Variants in ANKS1B observed in about 807,000 individuals in gnomAD.
The protein encoded by ANKS1B is ankyrin repeat and sterile alpha motif domain-containing protein 1B.
In ANKS1B, 36 loss-of-function variants were observed where a neutral mutation model predicts 148.3. That is an observed-to-expected ratio of 0.24 (90% CI 0.19 to 0.32). The LOEUF (loss-of-function observed/expected upper bound fraction) is 0.32. Ranked by LOEUF, ANKS1B falls within the 10% of genes least tolerant of loss-of-function variation. The pLI is 1.00. For missense variants in ANKS1B, 1,157 were observed against 1,542.6 expected, an observed-to-expected ratio of 0.75 and a Z score of 4.19; for synonymous variants, 542 against 560.8, an observed-to-expected ratio of 0.97 and a Z score of 0.47.
intron 15 of ANKS1B, among the ~76,000 whole-genome samples, chr12:99,149,913 T>A (rs1278857656): frequency 1.3e-5 from 2 of 152,166 alleles, no homozygotes; most frequent in Non-Finnish European, 2.9e-5. Context: ...TGTGGTGTAG[T>A]GTGTGTGCAC....
intron 17 of ANKS1B, among the ~76,000 whole-genome samples, chr12:99,020,216 A>G (rs2099944956): frequency 6.6e-6 from 1 of 152,062 alleles, no homozygotes; most frequent in South Asian, 2.1e-4. Context: ...CACTATTCCC[A>G]GTTGAAACTG....
intron 17 of ANKS1B, among the ~76,000 whole-genome samples, chr12:98,843,516 T>C (rs572850271): frequency 1.3e-5 from 2 of 152,342 alleles, no homozygotes; most frequent in Admixed American, 6.5e-5. Context: ...AAATAAACCT[T>C]TTCTTCTTTA....
At chr12:99,041,778 A>T (rs2099959165) in intron 17 of ANKS1B, among the ~76,000 whole-genome samples, 1 of 152,150 alleles carries the variant, frequency 6.6e-6, no homozygotes, top group South Asian at 2.1e-4. Context: ...ACATAGGAGG[A>T]TCACTTGAGC....
chr12:99,212,049 A>C (rs2083413706), intron 14 of ANKS1B, among the ~76,000 whole-genome samples: 1 of 152,152 alleles, frequency 6.6e-6, no homozygotes, highest in African/African-American at 2.4e-5. Context: ...AAACAAGCAA[A>C]CAGAAAAGGA....
chr12:99,854,691 T>A (rs1273039456), intron 1 of ANKS1B, among the ~76,000 whole-genome samples: 1 of 152,142 alleles, frequency 6.6e-6, no homozygotes. Context: ...CAGATTAACA[T>A]AGATTTCTCA....
intron 20 of ANKS1B, among the ~76,000 whole-genome samples, chr12:98,802,306 G>T (rs895167689): frequency 2.0e-5 from 3 of 152,152 alleles, no homozygotes; most frequent in African/African-American, 7.2e-5. Flanking sequence ...GATTTCTTAA[G>T]GAGAATTTTT....
intron 1 of ANKS1B, among the ~76,000 whole-genome samples, chr12:99,939,442 A>C (rs1322806864): frequency 6.6e-6 from 1 of 151,916 alleles, no homozygotes; most frequent in African/African-American, 2.4e-5. Context: ...TGTTGACCAG[A>C]ATAGTCTTGA....
At chr12:99,268,159 T>C (rs1052262062) in intron 12 of ANKS1B, among the ~76,000 whole-genome samples, 1 of 152,212 alleles carries the variant, frequency 6.6e-6, no homozygotes, top group Non-Finnish European at 1.5e-5. Flanking sequence ...CAACTCGTTT[T>C]TGAAAGCCAT....
intron 1 of ANKS1B, among the ~76,000 whole-genome samples, chr12:99,912,550 C>T (rs1380203720): frequency 6.6e-6 from 1 of 152,034 alleles, no homozygotes; most frequent in Non-Finnish European, 1.5e-5. Context: ...CAGGGTTTCA[C>T]CGTGTTGGCC....
At chr12:99,129,920 G>GA (rs1359202539) in intron 15 of ANKS1B, among the ~76,000 whole-genome samples, 1 of 152,162 alleles carries the variant, frequency 6.6e-6, no homozygotes, top group African/African-American at 2.4e-5. Context: ...ACAAGAACGG[G>GA]ATGAATGCTT....
At chr12:99,360,420 TA>T (rs1362354651) in intron 12 of ANKS1B, among the ~76,000 whole-genome samples, 2 of 152,136 alleles carry the variant, frequency 1.3e-5, no homozygotes, top group African/African-American at 2.4e-5. Flanking sequence ...GAATACTAAA[TA>T]ATATACTATA....
At chr12:99,159,346 A>C (rs1355183348) in intron 14 of ANKS1B, among the ~76,000 whole-genome samples, 1 of 152,104 alleles carries the variant, frequency 6.6e-6, no homozygotes, top group African/African-American at 2.4e-5. Context: ...CACAGTACCC[A>C]ATAGTTAGTT....
intron 8 of ANKS1B, among the ~76,000 whole-genome samples, chr12:99,764,405 G>A (rs1451516909): frequency 1.3e-5 from 2 of 152,062 alleles, no homozygotes; most frequent in African/African-American, 2.4e-5. Flanking sequence ...AAAGACAGAC[G>A]TGTTTGAGAG....
At chr12:99,595,454 A>G (rs574684300) in intron 9 of ANKS1B, among the ~76,000 whole-genome samples, 1 of 152,070 alleles carries the variant, frequency 6.6e-6, no homozygotes, top group South Asian at 2.1e-4. Context: ...TAAAAAATGA[A>G]AAGTAATAAG....
At chr12:99,815,859 A>T (rs1314608380) in intron 2 of ANKS1B, among the ~76,000 whole-genome samples, 1 of 151,756 alleles carries the variant, frequency 6.6e-6, no homozygotes, top group Non-Finnish European at 1.5e-5. Context: ...TCCATGGTGT[A>T]TATATATACC....
chr12:98,962,968 C>G (rs941169179), intron 17 of ANKS1B, among the ~76,000 whole-genome samples: 3 of 152,066 alleles, frequency 2.0e-5, no homozygotes, highest in African/African-American at 7.2e-5. Flanking sequence ...AAGTTTATAG[C>G]TATAAGTGCC....
chr12:98,853,162 G>T (rs1276878394), intron 17 of ANKS1B, among the ~76,000 whole-genome samples: 1 of 152,134 alleles, frequency 6.6e-6, no homozygotes, highest in Admixed American at 6.5e-5. Flanking sequence ...GTCTTTAGGG[G>T]TCAGTCTTCC....
At chr12:98,887,345 C>A (rs1256844819) in intron 17 of ANKS1B, among the ~76,000 whole-genome samples, 1 of 152,028 alleles carries the variant, frequency 6.6e-6, no homozygotes, top group Non-Finnish European at 1.5e-5. Flanking sequence ...TTTCCCATGC[C>A]CTGGAAGGGG....
At chr12:99,340,751 G>A (rs2089775964) in intron 12 of ANKS1B, among the ~76,000 whole-genome samples, 1 of 151,926 alleles carries the variant, frequency 6.6e-6, no homozygotes, top group Non-Finnish European at 1.5e-5. Flanking sequence ...ATTAATACAT[G>A]TGAGAACTTT....
Sources: allele counts gnomAD v4.1 joint callset (sites outside exome capture counted in the v4.1 genomes callset), GRCh38; gene constraint gnomAD v4.1.1; transcripts MANE v1.5; gene names NCBI Gene and HGNC (gene_info 2026-07-23, HGNC 2026-07-21).